GPC6: variants seen among roughly 807,000 people sequenced by gnomAD.
GPC6 encodes the protein glypican 6, also known as glypican-6.
A neutral mutation model predicts 55.2 loss-of-function variants in GPC6; 14 were observed. The ratio of observed to expected loss-of-function variants is 0.25; its 90% CI spans 0.17 to 0.40. The LOEUF is 0.40. GPC6 is among the 10% of genes least tolerant of loss of function. The pLI, the probability that GPC6 is intolerant of heterozygous loss-of-function variation, is 1.00. For missense variants in GPC6, 641 were observed against 708.5 expected, an observed-to-expected ratio of 0.90 and a Z score of 1.08; for synonymous variants, 278 against 259.6, an observed-to-expected ratio of 1.07 and a Z score of -0.68.
At chr13:93,565,446 A>G (rs1231855606) in intron 2 of GPC6, among the ~76,000 whole-genome samples, 2 of 152,194 alleles carry the variant, frequency 1.3e-5, no homozygotes, top group African/African-American at 4.8e-5. Flanking sequence ...ACAAATTTAA[A>G]CTTCTCACTC....
chr13:94,077,612 A>G (rs1439713455), intron 4 of GPC6, among the ~76,000 whole-genome samples: 1 of 151,858 alleles, frequency 6.6e-6, no homozygotes, highest in African/African-American at 2.4e-5. Context: ...GGCTTGTTAT[A>G]TATGGCCTTT....
chr13:93,945,088 C>T (rs1410282471), intron 3 of GPC6, among the ~76,000 whole-genome samples: 2 of 152,234 alleles, frequency 1.3e-5, no homozygotes, highest in Admixed American at 6.5e-5. Flanking sequence ...CCGTATTTCA[C>T]AGAGTGTAAG....
intron 1 of GPC6, among the ~76,000 whole-genome samples, chr13:93,519,898 T>G (rs914410721): frequency 2.0e-5 from 3 of 152,056 alleles, no homozygotes; most frequent in African/African-American, 7.2e-5. Context: ...TTATAAAAAC[T>G]GAAACGAATT....
intron 3 of GPC6, among the ~76,000 whole-genome samples, chr13:93,959,481 T>G (rs1879668456): frequency 6.6e-6 from 1 of 152,202 alleles, no homozygotes; most frequent in Admixed American, 6.5e-5. Flanking sequence ...TGATTTTTAT[T>G]GTTTCTTCTT....
chr13:93,647,620 G>A (rs1376851720), intron 2 of GPC6, among the ~76,000 whole-genome samples: 1 of 152,132 alleles, frequency 6.6e-6, no homozygotes, highest in Non-Finnish European at 1.5e-5. Flanking sequence ...ATCCCTTTGT[G>A]CTCATGGGAT....
intron 1 of GPC6, among the ~76,000 whole-genome samples, chr13:93,397,534 C>T (rs761044169): frequency 9.9e-5 from 15 of 151,990 alleles, no homozygotes; most frequent in Non-Finnish European, 1.9e-4. Context: ...AAATATTTAC[C>T]ATAGAAAACA....
At chr13:94,145,262 G>C (rs1887522006) in intron 4 of GPC6, among the ~76,000 whole-genome samples, 1 of 152,010 alleles carries the variant, frequency 6.6e-6, no homozygotes, top group Non-Finnish European at 1.5e-5. Flanking sequence ...CTTCTACATG[G>C]TAAGACTCAT....
At chr13:93,267,468 G>C (rs1877362980) in intron 1 of GPC6, among the ~76,000 whole-genome samples, 1 of 151,646 alleles carries the variant, frequency 6.6e-6, no homozygotes, top group Non-Finnish European at 1.5e-5. Context: ...TTATATATTG[G>C]AAGATTCACG....
chr13:93,919,550 A>G (rs148763981), intron 3 of GPC6, among the ~76,000 whole-genome samples: 83 of 152,284 alleles, frequency 5.5e-4, no homozygotes, highest in African/African-American at 1.9e-3. Flanking sequence ...TACTTTAGAC[A>G]TTTATTTGGA....
chr13:94,388,141 T>A (rs1228820004), intron 7 of GPC6, among the ~76,000 whole-genome samples: 1 of 152,216 alleles, frequency 6.6e-6, no homozygotes, highest in Non-Finnish European at 1.5e-5. Flanking sequence ...CACCTGAAAT[T>A]CACATTTAAT....
chr13:93,670,574 T>C (rs1201665305), intron 2 of GPC6, among the ~76,000 whole-genome samples: 2 of 152,158 alleles, frequency 1.3e-5, no homozygotes, highest in Non-Finnish European at 1.5e-5. Context: ...CAGCAAGATA[T>C]AATATTACAT....
intron 2 of GPC6, among the ~76,000 whole-genome samples, chr13:93,612,515 A>ACACACACACG (rs1336526834): frequency 6.6e-6 from 1 of 151,374 alleles, no homozygotes; most frequent in Non-Finnish European, 1.5e-5. Context: ...ACACACACAC[A>ACACACACACG]CACACACACA....
chr13:93,242,618 C>T (rs1398765613), intron 1 of GPC6, among the ~76,000 whole-genome samples: 3 of 152,128 alleles, frequency 2.0e-5, no homozygotes, highest in African/African-American at 7.2e-5. Flanking sequence ...TGGGGCTGCT[C>T]GACCGCTGGG....
intron 3 of GPC6, among the ~76,000 whole-genome samples, chr13:93,856,541 T>C (rs1349242089): frequency 6.6e-6 from 1 of 151,638 alleles, no homozygotes; most frequent in African/African-American, 2.4e-5. Flanking sequence ...TTGCACAGTT[T>C]ACTCCAAAGA....
intron 1 of GPC6, among the ~76,000 whole-genome samples, chr13:93,450,061 C>T (rs1299779060): frequency 2.6e-5 from 4 of 152,138 alleles, no homozygotes; most frequent in Non-Finnish European, 4.4e-5. Flanking sequence ...TGTGCGATTA[C>T]AGGCGTGAGC....
intron 2 of GPC6, among the ~76,000 whole-genome samples, chr13:93,553,906 A>AGGTG (rs957670355): frequency 3.8e-4 from 10 of 26,650 alleles, no homozygotes; most frequent in African/African-American, 1.2e-3. Flanking sequence ...TGGGATGCTG[A>AGGTG]GGTGGATCAC....
chr13:93,584,896 C>T (rs934368594), intron 2 of GPC6, among the ~76,000 whole-genome samples: 4 of 151,812 alleles, frequency 2.6e-5, no homozygotes, highest in African/African-American at 9.7e-5. Flanking sequence ...CACCACATTG[C>T]CCAGACTAGT....
chr13:93,440,618 G>A (rs1877753508), intron 1 of GPC6, among the ~76,000 whole-genome samples: 1 of 152,018 alleles, frequency 6.6e-6, no homozygotes, highest in African/African-American at 2.4e-5. Flanking sequence ...GATCAGGGAG[G>A]CATTTTATTT....
At chr13:93,716,694 T>A (rs1883263601) in intron 2 of GPC6, among the ~76,000 whole-genome samples, 1 of 151,486 alleles carries the variant, frequency 6.6e-6, no homozygotes, top group Non-Finnish European at 1.5e-5. Flanking sequence ...GAAAGAAAGT[T>A]TATAAGTCTT....
Sources: gnomAD v4.1 joint callset for allele counts (sites outside exome capture counted in the v4.1 genomes callset) on GRCh38, gnomAD v4.1.1 for gene constraint, MANE v1.5 for transcripts, NCBI Gene and HGNC (gene_info 2026-07-23, HGNC 2026-07-21) for gene names.